COX7A2L: variants seen among roughly 807,000 people sequenced by gnomAD.
The protein encoded by COX7A2L is cytochrome c oxidase subunit 7A2-like, mitochondrial.
Under a neutral mutation model 14.2 loss-of-function variants are expected in COX7A2L, and 18 were observed. The ratio of observed to expected loss-of-function variants is 1.27; its 90% CI spans 0.88 to 1.88. The LOEUF is 1.88. Among genes scored for constraint, COX7A2L ranks in the 40% most tolerant of loss-of-function variants. The probability of loss-of-function intolerance (pLI) is 0.00; values close to 1 mark genes in which losing one functional copy is unlikely to be tolerated. For missense variants in COX7A2L, 179 were observed against 138.8 expected (o/e 1.29, Z -1.46); for synonymous variants, 65 against 57.4 (o/e 1.13, Z -0.60).
rs1307405543 is a variant in COX7A2L, at chr2:42,338,181, C to T, written c.193-4312G>A. Among the ~76,000 whole-genome samples, 1 of 152,186 alleles carries T rather than the reference C, an allele frequency of 6.6e-6. No homozygotes were observed. The highest frequency in any genetic ancestry group is 1.9e-4 in the East Asian group (1 of 5,194). On this transcript the variant is annotated intron_variant, in intron 2 of 2. Coordinates refer to the COX7A2L transcript ENST00000468711. This position sits in a 1 kb window ranked among gnomAD's most constrained non-coding sequence, Gnocchi z 4.4. The stretch of plus-strand genomic sequence containing the variant: ...GGCCCACATGCAAGGCAGAGACAGC[C>T]GTTCCGTGTTTCTCCCCCAGCCGCA...
intron 1 of COX7A2L, among the ~76,000 whole-genome samples, chr2:42,358,631 C>CT (rs1256194036): frequency 6.6e-6 from 1 of 152,166 alleles, no homozygotes; most frequent in African/African-American, 2.4e-5. Flanking sequence ...TTTAAGAAAT[C>CT]TTTAAGTAAC....
chr2:42,344,430 T>C (rs781209959), downstream of COX7A2L, among the ~76,000 whole-genome samples: 8 of 152,240 alleles, frequency 5.3e-5, no homozygotes, highest in Admixed American at 6.5e-5. Flanking sequence ...CACTCTAAAA[T>C]TGAAATTTGT....
chr2:42,346,254 G>A (rs922883048), downstream of COX7A2L, among the ~76,000 whole-genome samples: 10 of 152,214 alleles, frequency 6.6e-5, no homozygotes, highest in African/African-American at 2.2e-4. Flanking sequence ...TGCAGAGACA[G>A]AATTAAACAG....
Position 42,357,849 on chromosome 2 carries a change from G to T in COX7A2L, c.72+3241C>A, listed in dbSNP as rs186082284. ...CAAGTTGCTCTGCAACTTCCTACTA[G>T]TGCCTCACAAAATTAAGTCCTTACA... On this transcript the variant is annotated intron_variant, in intron 1 of 2. Coordinates refer to ENST00000234301, the MANE Select transcript of COX7A2L (RefSeq NM_004718.4). Among the ~76,000 whole-genome samples the T allele has an allele frequency of 1.4e-3, 211 of 152,134 alleles. 2 individuals carry two copies. The highest frequency in any genetic ancestry group is 1.0e-4 in the Non-Finnish European group (7 of 68,020).
At chr2:42,365,796 G>C (rs1024741156), upstream of COX7A2L, 2 of 152,182 alleles carry the variant, frequency 1.3e-5, no homozygotes, top group African/African-American at 4.8e-5. Flanking sequence ...CAGTGTCCAA[G>C]TGTTAGGCCA....
chr2:42,364,437 G>T (rs1671119865), upstream of COX7A2L, among the ~76,000 whole-genome samples: 1 of 151,954 alleles, frequency 6.6e-6, no homozygotes, highest in Non-Finnish European at 1.5e-5. Flanking sequence ...CTTTTCCATT[G>T]TTGTTTATGT....
At chr2:42,360,417 C>T (rs545471258) in intron 1 of COX7A2L, among the ~76,000 whole-genome samples, 1 of 152,302 alleles carries the variant, frequency 6.6e-6, no homozygotes, top group East Asian at 1.9e-4. Flanking sequence ...TCTAAAATCC[C>T]TCATGTTTAC....
At chr2:42,344,702 A>G (rs1252928703), downstream of COX7A2L, among the ~76,000 whole-genome samples, 2 of 152,106 alleles carry the variant, frequency 1.3e-5, no homozygotes, top group Admixed American at 6.5e-5. Context: ...AATACGAAAA[A>G]TTAGCCCACG....
chr2:42,358,504 C>G (rs984524055), intron 1 of COX7A2L, among the ~76,000 whole-genome samples: 1 of 152,214 alleles, frequency 6.6e-6, no homozygotes, highest in South Asian at 2.1e-4. Flanking sequence ...AAGGAAAAAG[C>G]TGAAGTACTC....
downstream of COX7A2L, among the ~76,000 whole-genome samples, chr2:42,346,025 G>A (rs932841909): frequency 3.3e-5 from 5 of 152,152 alleles, no homozygotes; most frequent in African/African-American, 1.2e-4. Context: ...TAAAGCGAAA[G>A]ATTCTGCACC....
At chr2:42,344,407 T>C (rs1000485452), downstream of COX7A2L, among the ~76,000 whole-genome samples, 11 of 152,226 alleles carry the variant, frequency 7.2e-5, no homozygotes, top group Admixed American at 7.2e-4. Context: ...TGCTCATACA[T>C]AATTCTCTGT....
intron 1 of COX7A2L, among the ~76,000 whole-genome samples, chr2:42,353,675 T>C (rs2534613): frequency 6.6e-6 from 1 of 152,184 alleles, no homozygotes; most frequent in Non-Finnish European, 1.5e-5. Flanking sequence ...GCTAATCTAG[T>C]AACATGGAAT....
intron 1 of COX7A2L, among the ~76,000 whole-genome samples, chr2:42,360,382 T>C (rs1247991154): frequency 6.6e-6 from 1 of 152,172 alleles, no homozygotes; most frequent in African/African-American, 2.4e-5. Context: ...GAAAACGCCA[T>C]GATTTGAAAA....
intron 2 of COX7A2L, 33 bp from the exon 3 acceptor site, chr2:42,351,392 A>T: frequency 1.2e-6 from 2 of 1,603,100 alleles, no homozygotes; most frequent in Non-Finnish European, 1.7e-6. Flanking sequence ...GGCATGGTTG[A>T]GAAGAAAAAT....
Position 42,353,279 on chromosome 2 carries a change from G to T in COX7A2L, c.137C>A (p.Thr46Asn). Residue 46 changes from threonine (T) to asparagine (N), a missense_variant, in exon 2 of 3, where the codon ACC (threonine) becomes AAC (asparagine). Transcript: ENST00000234301. ...ATAATCATACACTGTGGAATCGGAGGTCAGTTTAGTTGGTGTGGCAAATAT... is the reference window on the plus strand; with the variant it reads ...ATAATCATACACTGTGGAATCGGAGTTCAGTTTAGTTGGTGTGGCAAATAT... ...PIIFATPTKL[T>N]SDSTVYDYAG... is the part of the protein sequence containing the mutation. 3 of 1,614,190 alleles carry T rather than the reference G, an allele frequency of 1.9e-6. No individual in the cohort carries two copies. Among genetic ancestry groups the T allele is most frequent in the South Asian group, 2.2e-5 (2 of 91,084 alleles).
chr2:42,366,446 C>A (rs1671167824), intron 1 of COX7A2L, among the ~76,000 whole-genome samples: 1 of 152,068 alleles, frequency 6.6e-6, no homozygotes, highest in Non-Finnish European at 1.5e-5. Context: ...ACATAGGGTG[C>A]TCTGCTAGCC....
chr2:42,336,297 C>A (rs1278844767), intron 2 of COX7A2L, among the ~76,000 whole-genome samples: 1 of 152,078 alleles, frequency 6.6e-6, no homozygotes. Flanking sequence ...TCCTGAGGAG[C>A]CATCCATTTG....
downstream of COX7A2L, among the ~76,000 whole-genome samples, chr2:42,348,647 G>A (rs950179255): frequency 6.6e-5 from 10 of 152,120 alleles, no homozygotes; most frequent in African/African-American, 9.7e-5. Context: ...TGCTGGGCAC[G>A]GTGACTCACG....
intron 1 of COX7A2L, among the ~76,000 whole-genome samples, chr2:42,357,908 A>G (rs1401634505): frequency 3.3e-5 from 5 of 152,024 alleles, no homozygotes; most frequent in Admixed American, 2.6e-4. Context: ...TCCATCCTCC[A>G]CAGTCAAACT....
Sources: allele counts gnomAD v4.1 joint callset (sites outside exome capture counted in the v4.1 genomes callset), GRCh38; gene constraint gnomAD v4.1.1; non-coding constraint Gnocchi (gnomAD v3.1); transcripts MANE v1.5; gene names NCBI Gene and HGNC (gene_info 2026-07-23, HGNC 2026-07-21).